Variants in ZRANB3 observed in about 807,000 individuals in gnomAD.
ZRANB3 encodes zinc finger RANBP2-type containing 3.
A neutral mutation model predicts 133.8 loss-of-function variants in ZRANB3; 125 were observed. That is an observed-to-expected ratio of 0.93 (90% CI 0.81 to 1.08). ZRANB3 has a LOEUF of 1.08. Among genes scored for constraint, ZRANB3 ranks in the 50% least tolerant of loss-of-function variants. The probability of loss-of-function intolerance (pLI) is 0.00; values close to 1 mark genes in which losing one functional copy is unlikely to be tolerated. For synonymous variants in ZRANB3, 387 were observed against 432.7 expected (o/e 0.89, Z 1.31); for missense variants, 1,229 against 1,275.5 (o/e 0.96, Z 0.56).
chr2:135,247,594 G>A (rs1164105962), intron 12 of ZRANB3, among the ~76,000 whole-genome samples: 6 of 151,862 alleles, frequency 4.0e-5, no homozygotes, highest in South Asian at 4.2e-4. Flanking sequence ...GTGCAGTGTC[G>A]CATGAAGTGG....
intron 3 of ZRANB3, among the ~76,000 whole-genome samples, chr2:135,372,744 G>A (rs189886933): frequency 0.013 from 1,886 of 146,206 alleles, 31 homozygotes; most frequent in African/African-American, 0.043. Flanking sequence ...CCAAGATTGC[G>A]CCACTGCACT....
chr2:135,401,202 G>C (rs1030747826), intron 2 of ZRANB3, among the ~76,000 whole-genome samples: 1 of 150,780 alleles, frequency 6.6e-6, no homozygotes, highest in Non-Finnish European at 1.5e-5. Context: ...TCATACTCAC[G>C]AGGGAACTGA....
chr2:135,358,492 AT>A (rs1043458371), intron 3 of ZRANB3, among the ~76,000 whole-genome samples: 21 of 152,144 alleles, frequency 1.4e-4, no homozygotes, highest in African/African-American at 5.1e-4. Context: ...ATAATGTATT[AT>A]TTTTGTTAGG....
rs558068393 is a variant in ZRANB3, at chr2:135,426,527, T to C, written c.162-35707A>G. ...TAGGCTTTATCCTTGGGATGCAAGATTGGTTCAATATATGCAAATTGGCCG... is the reference window on the plus strand; with the variant it reads ...TAGGCTTTATCCTTGGGATGCAAGACTGGTTCAATATATGCAAATTGGCCG... On this transcript the variant is annotated intron_variant, in intron 2 of 20. Transcript: ENST00000264159. 2.2e-4 allele frequency among the ~76,000 whole-genome samples: 33 copies of C among 152,048 alleles called. No individual in the cohort carries two copies. In the South Asian group the frequency reaches 5.8e-3, roughly 27 times the overall value.
chr2:135,289,232 G>A (rs2104791560), intron 8 of ZRANB3, among the ~76,000 whole-genome samples: 1 of 152,054 alleles, frequency 6.6e-6, no homozygotes, highest in South Asian at 2.1e-4. Flanking sequence ...TATTTGCATG[G>A]TTTTGAGGGT....
At position 135,197,406 on chromosome 2, in the gene ZRANB3, G is replaced by A. The variant is rs1008345975; in HGVS notation, c.*2936C>T. 1 of 152,166 alleles carries A rather than the reference G, an allele frequency of 6.6e-6. No individual in the cohort carries two copies. Among genetic ancestry groups the A allele is most frequent in the Non-Finnish European group, 1.5e-5 (1 of 68,032 alleles). The allele number at this position is 152,166 out of a possible 1,614,324, so 9.4% of individuals were successfully genotyped here. Reference sequence around the variant, plus strand: ...GTTTCACTCAAGAATCTGAAGAAGGGATTTGGTTTATTAGCAAGATGTATG... The same window carrying A: ...GTTTCACTCAAGAATCTGAAGAAGGAATTTGGTTTATTAGCAAGATGTATG... On this transcript the variant is annotated 3_prime_UTR_variant, in exon 21 of 21. Transcript: ENST00000264159.
At chr2:135,480,980 T>C (rs1691769774) in intron 2 of ZRANB3, among the ~76,000 whole-genome samples, 1 of 151,036 alleles carries the variant, frequency 6.6e-6, no homozygotes, top group Non-Finnish European at 1.5e-5. Flanking sequence ...TTCCATGGTG[T>C]ATATGTGCCA....
chr2:135,436,325 A>G (rs978894547), intron 2 of ZRANB3, among the ~76,000 whole-genome samples: 4 of 152,186 alleles, frequency 2.6e-5, no homozygotes, highest in Non-Finnish European at 5.9e-5. Flanking sequence ...CCATTGGTCT[A>G]TGTGCCTGTT....
In ZRANB3 at chr2:135,286,365, C is replaced by T. The variant is rs149343581; in HGVS notation, c.967-10610G>A. 3.9e-3 allele frequency among the ~76,000 whole-genome samples: 588 copies of T among 152,326 alleles called. 4 individuals are homozygous for T. Among genetic ancestry groups the T allele is most frequent in the African/African-American group, 0.014 (565 of 41,564 alleles). On this transcript the variant is annotated intron_variant, in intron 8 of 20. Transcript: ENST00000264159. The stretch of plus-strand genomic sequence containing the variant: ...CAATCTCGGCTCACAACAACCTCCA[C>T]ATCCCAGGTTCACGCAATTCTCCTT...
chr2:135,268,309 C>T (rs1334087749), intron 11 of ZRANB3, among the ~76,000 whole-genome samples: 1 of 152,158 alleles, frequency 6.6e-6, no homozygotes, highest in Non-Finnish European at 1.5e-5. Context: ...GGATTACAGG[C>T]ACCTGCTACC....
At chr2:135,514,931 A>G (rs1243239815) in intron 1 of ZRANB3, among the ~76,000 whole-genome samples, 1 of 151,942 alleles carries the variant, frequency 6.6e-6, no homozygotes, top group East Asian at 1.9e-4. Flanking sequence ...TATGTGATGG[A>G]TTACGTTTAC....
At chr2:135,510,025 A>C (rs1693374950) in intron 1 of ZRANB3, among the ~76,000 whole-genome samples, 1 of 152,224 alleles carries the variant, frequency 6.6e-6, no homozygotes, top group African/African-American at 2.4e-5. Context: ...CAAAATTGTC[A>C]AATTTTCCAA....
intron 8 of ZRANB3, among the ~76,000 whole-genome samples, chr2:135,296,652 C>T (rs369990121): frequency 1.5e-4 from 23 of 152,240 alleles, no homozygotes; most frequent in Non-Finnish European, 2.2e-4. Context: ...GGAGGAGAGG[C>T]GCTCTGATTT....
chr2:135,428,182 C>G (rs1414491383), intron 2 of ZRANB3, among the ~76,000 whole-genome samples: 1 of 152,072 alleles, frequency 6.6e-6, no homozygotes, highest in Non-Finnish European at 1.5e-5. Flanking sequence ...GTGGCTCATG[C>G]CTGTAATCCT....
At chr2:135,519,987 A>C (rs1050898018) in intron 1 of ZRANB3, among the ~76,000 whole-genome samples, 24 of 152,178 alleles carry the variant, frequency 1.6e-4, no homozygotes, top group African/African-American at 4.8e-4. Flanking sequence ...AGGTAAAAGG[A>C]AGGAAGCAAG....
chr2:135,274,564 T>G (rs1680688231), intron 9 of ZRANB3, among the ~76,000 whole-genome samples: 1 of 152,334 alleles, frequency 6.6e-6, no homozygotes, highest in Non-Finnish European at 1.5e-5. Flanking sequence ...TTATAGCCTA[T>G]CATGGCAGCA....
chr2:135,315,084 T>C (rs1260394244), intron 7 of ZRANB3, among the ~76,000 whole-genome samples: 2 of 152,168 alleles, frequency 1.3e-5, no homozygotes, highest in African/African-American at 2.4e-5. Flanking sequence ...GAATTCTTAA[T>C]ACTACATCTC....
intron 3 of ZRANB3, among the ~76,000 whole-genome samples, chr2:135,370,220 G>A (rs904124258): frequency 1.3e-5 from 2 of 151,246 alleles, no homozygotes; most frequent in South Asian, 2.1e-4. Flanking sequence ...AACAGGTAGT[G>A]TTTGGTTATA....
At position 135,447,181 on chromosome 2, in the gene ZRANB3, C is replaced by T. The variant is rs570735063; in HGVS notation, c.162-56361G>A. Among the ~76,000 whole-genome samples the T allele has an allele frequency of 2.7e-4, 41 of 152,216 alleles. No individual in the cohort carries two copies. In the South Asian group the frequency reaches 8.5e-3, roughly 32 times the overall value. ...TGCCTCATCCTCCTAGCTAGGATTA[C>T]AGGCGCGCCACCAAACCTAGCTAAT... On this transcript the variant is annotated intron_variant, in intron 2 of 20. Coordinates refer to ENST00000264159, the MANE Select transcript of ZRANB3 (RefSeq NM_032143.4).
Sources: gnomAD v4.1 joint callset for allele counts (sites outside exome capture counted in the v4.1 genomes callset) on GRCh38, gnomAD v4.1.1 for gene constraint, MANE v1.5 for transcripts, NCBI Gene and HGNC (gene_info 2026-07-23, HGNC 2026-07-21) for gene names.